The following TOX variants were observed in gnomAD, a reference collection of about 807,000 sequenced individuals.
TOX encodes the protein thymocyte selection associated high mobility group box.
Under a neutral mutation model 53.7 loss-of-function variants are expected in TOX, and 11 were observed. That is an observed-to-expected ratio of 0.20 (90% confidence interval 0.13 to 0.34). TOX has a LOEUF of 0.34. TOX is among the 10% of genes least tolerant of loss of function. TOX has a pLI of 1.00. For synonymous variants in TOX, 225 were observed against 245.3 expected, an observed-to-expected ratio of 0.92 and a Z score of 0.77; for missense variants, 570 against 664.6, an observed-to-expected ratio of 0.86 and a Z score of 1.56.
At chr8:58,960,264 G>T (rs1237135911) in intron 1 of TOX, among the ~76,000 whole-genome samples, 17 of 152,150 alleles carry the variant, frequency 1.1e-4, no homozygotes, top group African/African-American at 4.1e-4. Context: ...AGCAAGAAAT[G>T]AATGGTTTCC....
chr8:58,817,447 T>C (rs1043617702), intron 6 of TOX, among the ~76,000 whole-genome samples: 1 of 152,062 alleles, frequency 6.6e-6, no homozygotes, highest in Non-Finnish European at 1.5e-5. Context: ...AAAATTCTTA[T>C]TGTTGATGTG....
intron 1 of TOX, among the ~76,000 whole-genome samples, chr8:59,060,041 A>C (rs988420632): frequency 2.6e-5 from 4 of 152,220 alleles, no homozygotes; most frequent in African/African-American, 9.6e-5. Flanking sequence ...ATCAGAGACA[A>C]ATACAAATAA....
chr8:58,982,327 T>C (rs1813221466), intron 1 of TOX, among the ~76,000 whole-genome samples: 1 of 152,210 alleles, frequency 6.6e-6, no homozygotes, highest in Non-Finnish European at 1.5e-5. Flanking sequence ...CACCCTCTTC[T>C]TGGGAATGAG....
At chr8:59,055,710 C>T (rs1219972225) in intron 1 of TOX, among the ~76,000 whole-genome samples, 1 of 152,092 alleles carries the variant, frequency 6.6e-6, no homozygotes, top group African/African-American at 2.4e-5. Flanking sequence ...ACATTTTCTT[C>T]AAGGTAGAAA....
At chr8:58,937,623 T>A (rs1465771031) in intron 3 of TOX, among the ~76,000 whole-genome samples, 1 of 152,188 alleles carries the variant, frequency 6.6e-6, no homozygotes, top group Non-Finnish European at 1.5e-5. Context: ...GTAGAAATGC[T>A]AAGGAGGGTA....
chr8:58,884,446 T>G (rs1435531763), intron 3 of TOX, among the ~76,000 whole-genome samples: 1 of 152,142 alleles, frequency 6.6e-6, no homozygotes, highest in Non-Finnish European at 1.5e-5. Flanking sequence ...ACTAATGTAT[T>G]GATGCCTGTG....
At chr8:58,873,964 T>C (rs1811241975) in intron 3 of TOX, among the ~76,000 whole-genome samples, 1 of 108,698 alleles carries the variant, frequency 9.2e-6, no homozygotes, top group African/African-American at 3.4e-5. Flanking sequence ...GAAGCTTTTT[T>C]TTTTTTTTTT....
chr8:58,826,710 C>T (rs1810372875), intron 6 of TOX, 112 bp downstream of exon 6: 1 of 907,052 alleles, frequency 1.1e-6, no homozygotes, highest in African/African-American at 1.7e-5. Context: ...TTTTTTCCAA[C>T]AAAGAAGATT....
intron 1 of TOX, among the ~76,000 whole-genome samples, chr8:59,096,605 A>T (rs1804715536): frequency 6.6e-6 from 1 of 152,148 alleles, no homozygotes; most frequent in Admixed American, 6.5e-5. Flanking sequence ...AGGTAATTTG[A>T]CTCCTGCTTA....
intron 1 of TOX, among the ~76,000 whole-genome samples, chr8:59,114,032 T>C (rs1250521875): frequency 6.6e-6 from 1 of 152,172 alleles, no homozygotes; most frequent in Non-Finnish European, 1.5e-5. Flanking sequence ...TAGTCTCACA[T>C]ACCAAAACCA....
At chr8:59,017,417 G>A (rs964748008) in intron 1 of TOX, among the ~76,000 whole-genome samples, 15 of 151,826 alleles carry the variant, frequency 9.9e-5, no homozygotes, top group African/African-American at 3.2e-4. Flanking sequence ...CCTGAGGCAC[G>A]GTATCATCCC....
chr8:59,014,245 A>G (rs541935350), intron 1 of TOX, among the ~76,000 whole-genome samples: 2 of 152,362 alleles, frequency 1.3e-5, no homozygotes, highest in South Asian at 2.1e-4. Context: ...TTAATAAATG[A>G]GTTCAGAAAT....
At chr8:59,021,648 T>A (rs560767072) in intron 1 of TOX, among the ~76,000 whole-genome samples, 1 of 151,776 alleles carries the variant, frequency 6.6e-6, no homozygotes, top group South Asian at 2.1e-4. Flanking sequence ...CAAAAATAGA[T>A]TGGTTTTCTC....
At position 58,851,185 on chromosome 8, in the gene TOX, TCACACACACA is replaced by T. The variant is rs68047111; in HGVS notation, c.693+329_693+338del. Among the ~76,000 whole-genome samples the T allele has an allele frequency of 1.9e-3, 261 of 140,626 alleles. No individual in the cohort carries two copies. Among genetic ancestry groups the T allele is most frequent in the South Asian group, 4.5e-3 (20 of 4,476 alleles). The allele number at this position is 140,626 out of a possible 152,430, so 92.3% of individuals were successfully genotyped here. On this transcript the variant is annotated intron_variant, in intron 4 of 8. Coordinates refer to ENST00000361421, the MANE Select transcript of TOX (RefSeq NM_014729.3). The surrounding 1 kb of genome is among the most constrained non-coding windows in gnomAD (Gnocchi z 4.4). The stretch of plus-strand genomic sequence containing the variant: ...CTCTCTCTCTCTCTCTCTCTCTCTC[TCACACACACA>T]CACACACACACACACACGACCTTCA...
intron 1 of TOX, among the ~76,000 whole-genome samples, chr8:58,961,397 T>C (rs1428556358): frequency 3.3e-5 from 5 of 152,204 alleles, no homozygotes. Context: ...CTGAAAGATG[T>C]GGTTGTTAGA....
At chr8:59,041,704 G>A (rs895967038) in intron 1 of TOX, among the ~76,000 whole-genome samples, 7 of 152,160 alleles carry the variant, frequency 4.6e-5, no homozygotes, top group African/African-American at 1.7e-4. Flanking sequence ...CTGACATATG[G>A]TAGGAAAACA....
intron 1 of TOX, among the ~76,000 whole-genome samples, chr8:59,035,149 GC>G (rs1174961600): frequency 2.0e-5 from 3 of 152,226 alleles, no homozygotes; most frequent in African/African-American, 7.2e-5. Context: ...ATGCTCATTA[GC>G]CTACTCTGGT....
chr8:59,075,131 C>T (rs772146712), intron 1 of TOX, among the ~76,000 whole-genome samples: 6 of 152,096 alleles, frequency 3.9e-5, no homozygotes. Context: ...GATTTTTAAC[C>T]CTCAAGGATC....
intron 7 of TOX, among the ~76,000 whole-genome samples, chr8:58,809,921 G>A (rs1385716802): frequency 1.3e-5 from 2 of 152,178 alleles, no homozygotes; most frequent in African/African-American, 4.8e-5. Context: ...GTTTATTGCA[G>A]ACTGTTTGAT....
Sources: allele counts gnomAD v4.1 joint callset (sites outside exome capture counted in the v4.1 genomes callset), GRCh38; gene constraint gnomAD v4.1.1; non-coding constraint Gnocchi (gnomAD v3.1); transcripts MANE v1.5; gene names NCBI Gene and HGNC (gene_info 2026-07-23, HGNC 2026-07-21).